Variants in TNFRSF10B observed in about 807,000 individuals in gnomAD.
TNFRSF10B encodes TNF receptor superfamily member 10b.
A neutral mutation model predicts 41.4 loss-of-function variants in TNFRSF10B; 35 were observed. That is an observed-to-expected ratio of 0.85 (90% CI 0.65 to 1.12). The LOEUF is 1.12. Among genes scored for constraint, TNFRSF10B ranks in the 50% most tolerant of loss-of-function variants. TNFRSF10B has a pLI of 0.00. For synonymous variants in TNFRSF10B, 230 were observed against 215.5 expected (o/e 1.07, Z -0.59); for missense variants, 584 against 552.7 (o/e 1.06, Z -0.57).
intron 1 of TNFRSF10B, among the ~76,000 whole-genome samples, chr8:23,046,574 A>C (rs1812366855): frequency 6.6e-6 from 1 of 151,048 alleles, no homozygotes; most frequent in South Asian, 2.1e-4. Flanking sequence ...ATCATTTTTC[A>C]TAGAAATAGA....
chr8:23,042,435 C>T (rs1041311344), intron 2 of TNFRSF10B, among the ~76,000 whole-genome samples: 5 of 152,190 alleles, frequency 3.3e-5, no homozygotes, highest in Admixed American at 6.5e-5. Flanking sequence ...AAGTGCGAGG[C>T]GAACACAACA....
At chr8:23,056,983 A>G (rs1401238667) in intron 1 of TNFRSF10B, among the ~76,000 whole-genome samples, 1 of 151,766 alleles carries the variant, frequency 6.6e-6, no homozygotes, top group Non-Finnish European at 1.5e-5. Context: ...CAGTAGATGC[A>G]TGTGTCCTCT....
In TNFRSF10B at chr8:23,028,357, A is replaced by G; in HGVS notation, c.722T>C (p.Leu241Pro). The G allele has an allele frequency of 6.2e-7, 1 of 1,614,178 alleles. No individual in the cohort carries two copies. Among genetic ancestry groups the G allele is most frequent in the Non-Finnish European group, 8.5e-7 (1 of 1,180,016 alleles). The change falls in exon 5 of 9, where the codon CTT (leucine) becomes CCT (proline). Residue 241 changes from leucine (L) to proline (P), a missense_variant. Physicochemically the swap from Leu to Pro is moderately conservative, Grantham distance 98 (BLOSUM62 -3). Transcript: ENST00000276431. ...VCKSLLWKKVLPYLKGICSGG... is the reference protein window; with the variant it reads ...VCKSLLWKKVPPYLKGICSGG... Reference sequence around the variant, plus strand: ...TGAGCAGATGCCTTTCAGGTAAGGAAGGACTTTCTTCCACAGTAAAGACTT... The same window carrying G: ...TGAGCAGATGCCTTTCAGGTAAGGAGGGACTTTCTTCCACAGTAAAGACTT...
At chr8:23,048,983 T>C (rs1005621173) in intron 1 of TNFRSF10B, among the ~76,000 whole-genome samples, 2 of 152,196 alleles carry the variant, frequency 1.3e-5, no homozygotes, top group African/African-American at 2.4e-5. Context: ...CCAAAGAAGA[T>C]AAGCAAATGG....
At chr8:23,029,523 G>C in intron 4 of TNFRSF10B, 87 bp downstream of exon 4, 4 of 1,307,722 alleles carry the variant, frequency 3.1e-6, no homozygotes, top group Non-Finnish European at 4.3e-6. Context: ...CCTTGCGGGT[G>C]CTGTCAGGGG....
chr8:23,033,088 A>C (rs1420173600), intron 2 of TNFRSF10B, among the ~76,000 whole-genome samples: 1 of 152,230 alleles, frequency 6.6e-6, no homozygotes, highest in African/African-American at 2.4e-5. Flanking sequence ...ACAAAAACAC[A>C]AGCATACAAA....
intron 2 of TNFRSF10B, among the ~76,000 whole-genome samples, chr8:23,031,285 C>T (rs933871065): frequency 6.6e-6 from 1 of 152,146 alleles, no homozygotes; most frequent in African/African-American, 2.4e-5. Flanking sequence ...ACCGTATTGG[C>T]CAGGCTAGTC....
chr8:23,055,912 TA>T lies in TNFRSF10B; in HGVS notation c.145-12670del, dbSNP rs547779993. On this transcript the variant is annotated intron_variant, in intron 1 of 8. Coordinates refer to ENST00000276431, the MANE Select transcript of TNFRSF10B (RefSeq NM_003842.5). ...ATGAATGCACACTTACATGTAGACA[TA>T]TAGGTTAGAAAGGATATAAGCTCTG... Among the ~76,000 whole-genome samples the T allele has an allele frequency of 2.5e-3, 379 of 152,310 alleles. 4 individuals are homozygous for T. In the Middle Eastern group the frequency reaches 0.051, roughly 21 times the overall value.
intron 1 of TNFRSF10B, among the ~76,000 whole-genome samples, chr8:23,045,805 T>C (rs1812340707): frequency 6.6e-6 from 1 of 152,228 alleles, no homozygotes; most frequent in South Asian, 2.1e-4. Context: ...ATAAATGTGA[T>C]ATACCATATT....
rs1428620367 is a variant in TNFRSF10B, at chr8:23,022,118, G to A, written c.*553C>T. The A allele has an allele frequency of 2.3e-5, 10 of 429,564 alleles. No homozygotes were observed. In the East Asian group the frequency reaches 6.4e-4, roughly 27 times the overall value. The allele number at this position is 429,564 out of a possible 1,614,324, so 26.6% of individuals were successfully genotyped here. A position where few individuals can be genotyped will look rare whatever the true frequency, so the allele number is the denominator to read the frequency against. ...TAGACAAAATACAAAAAATTAGCCG[G>A]GCGTGGTGGTGCACACCTGTGGTCC... On this transcript the variant is annotated 3_prime_UTR_variant, in exon 9 of 9. Transcript: ENST00000276431.
intron 1 of TNFRSF10B, among the ~76,000 whole-genome samples, chr8:23,061,776 TATCAACTCAGATG>T (rs1812836710): frequency 6.6e-6 from 1 of 152,240 alleles, no homozygotes; most frequent in African/African-American, 2.4e-5. Flanking sequence ...GCTTTCCCTG[TATCAACTCAGATG>T]ATCATGTGTC....
Position 23,026,514 on chromosome 8 carries a change from T to C in TNFRSF10B, c.936+619A>G, listed in dbSNP as rs74646408. 3.9e-3 allele frequency among the ~76,000 whole-genome samples: 596 copies of C among 152,278 alleles called. 8 individuals are homozygous for C. The highest frequency in any genetic ancestry group is 0.014 in the African/African-American group (566 of 41,572). ...TGCTGTATGTTAAAAATCAAATCATTAAAAATAAAACACTGCAGGAAACTG... is the reference window on the plus strand; with the variant it reads ...TGCTGTATGTTAAAAATCAAATCATCAAAAATAAAACACTGCAGGAAACTG... On this transcript the variant is annotated intron_variant, in intron 7 of 8. Transcript: ENST00000276431.
intron 1 of TNFRSF10B, among the ~76,000 whole-genome samples, chr8:23,050,251 G>A (rs901175620): frequency 6.6e-6 from 1 of 152,062 alleles, no homozygotes; most frequent in African/African-American, 2.4e-5. Context: ...CTGTTTTGCC[G>A]TAGTGCACTT....
At position 23,049,824 on chromosome 8, in the gene TNFRSF10B, G is replaced by T. The variant is rs185497108; in HGVS notation, c.145-6581C>A. ...GAGATTCACCTGCATCTTCTTATTGGGCAGCGAGATTCACCTGCATCTCAT... is the reference window on the plus strand; with the variant it reads ...GAGATTCACCTGCATCTTCTTATTGTGCAGCGAGATTCACCTGCATCTCAT... On this transcript the variant is annotated intron_variant, in intron 1 of 8. Transcript: ENST00000276431. The T allele has an allele frequency of 2.0e-5, 3 of 152,238 alleles. No individual in the cohort carries two copies. The East Asian group carries it at 5.8e-4, about 29-fold the overall frequency. The allele number at this position is 152,238 out of a possible 1,614,324, so 9.4% of individuals were successfully genotyped here. A position where few individuals can be genotyped will look rare whatever the true frequency, so the allele number is the denominator to read the frequency against.
intron 2 of TNFRSF10B, among the ~76,000 whole-genome samples, chr8:23,035,689 ATTCC>A (rs1305689154): frequency 3.9e-5 from 6 of 152,156 alleles, no homozygotes; most frequent in Admixed American, 1.3e-4. Flanking sequence ...CACATAAGAT[ATTCC>A]TTCTCTTCTA....
intron 4 of TNFRSF10B, 110 bp downstream of exon 4, chr8:23,029,500 C>A: frequency 1.8e-6 from 2 of 1,082,082 alleles, no homozygotes; most frequent in Non-Finnish European, 2.7e-6. Flanking sequence ...GCAGCCACAG[C>A]CTCAAGGATG....
At chr8:23,046,800 C>T (rs1403893437) in intron 1 of TNFRSF10B, among the ~76,000 whole-genome samples, 2 of 152,090 alleles carry the variant, frequency 1.3e-5, no homozygotes, top group East Asian at 3.9e-4. Flanking sequence ...TAAATGAATC[C>T]ACATAGCTAT....
chr8:23,064,414 C>T (rs998686261), intron 1 of TNFRSF10B, among the ~76,000 whole-genome samples: 74 of 152,194 alleles, frequency 4.9e-4, no homozygotes, highest in African/African-American at 1.7e-3. Context: ...GAGGCTGTGC[C>T]GTCCGTGGGC....
At chr8:23,038,752 G>A (rs1334515488) in intron 2 of TNFRSF10B, among the ~76,000 whole-genome samples, 3 of 152,076 alleles carry the variant, frequency 2.0e-5, no homozygotes, top group Non-Finnish European at 4.4e-5. Context: ...ATTACTTGGA[G>A]ATCAAGTATG....
Sources: gnomAD v4.1 joint callset for allele counts (sites outside exome capture counted in the v4.1 genomes callset) on GRCh38, gnomAD v4.1.1 for gene constraint, MANE v1.5 for transcripts, NCBI Gene and HGNC (gene_info 2026-07-23, HGNC 2026-07-21) for gene names.